Variants in MRPL48 observed in about 807,000 individuals in gnomAD.
The protein encoded by MRPL48 is mitochondrial ribosomal protein L48.
A neutral mutation model predicts 32.9 loss-of-function variants in MRPL48; 16 were observed. The ratio of observed to expected loss-of-function variants is 0.49; its 90% CI spans 0.33 to 0.74. The LOEUF (loss-of-function observed/expected upper bound fraction) is 0.74, where lower values mean the gene tolerates loss of function less well. MRPL48 is among the 30% of genes least tolerant of loss of function. The probability of loss-of-function intolerance (pLI) is 0.02; values close to 1 mark genes in which losing one functional copy is unlikely to be tolerated. For synonymous variants in MRPL48, 94 were observed against 89.2 expected (o/e 1.05, Z -0.31); for missense variants, 206 against 245.3 (o/e 0.84, Z 1.07).
intron 5 of MRPL48, among the ~76,000 whole-genome samples, chr11:73,859,653 G>T (rs145334279): frequency 1.3e-5 from 2 of 151,802 alleles, no homozygotes; most frequent in East Asian, 3.9e-4. Context: ...GGTTTTATTC[G>T]GAGTATTGTA....
At chr11:73,797,311 A>G (rs1407534409) in intron 1 of MRPL48, among the ~76,000 whole-genome samples, 2 of 152,234 alleles carry the variant, frequency 1.3e-5, no homozygotes, top group Non-Finnish European at 2.9e-5. Context: ...TTCTGGTTGC[A>G]GGACAAGAAC....
intron 2 of MRPL48, among the ~76,000 whole-genome samples, chr11:73,806,106 G>C (rs1487027298): frequency 6.7e-6 from 1 of 150,314 alleles, no homozygotes; most frequent in African/African-American, 2.5e-5. Flanking sequence ...GTAAAGCAGA[G>C]TGATTTTTTT....
chr11:73,841,943 G>T (rs1267322768), intron 4 of MRPL48, among the ~76,000 whole-genome samples: 1 of 151,896 alleles, frequency 6.6e-6, no homozygotes, highest in Non-Finnish European at 1.5e-5. Flanking sequence ...GTTTTTGGGG[G>T]GGGGTTTGTT....
At chr11:73,805,293 C>CTTTTTTT (rs11335180) in intron 2 of MRPL48, among the ~76,000 whole-genome samples, 2 of 136,894 alleles carry the variant, frequency 1.5e-5, no homozygotes, top group Non-Finnish European at 1.6e-5. Flanking sequence ...TGATGCTGTT[C>CTTTTTTT]TTTTTTTTTT....
chr11:73,788,190 G>A (rs1447895775), intron 1 of MRPL48, among the ~76,000 whole-genome samples, 198 bp downstream of exon 1: 1 of 152,046 alleles, frequency 6.6e-6, no homozygotes, highest in Non-Finnish European at 1.5e-5. Flanking sequence ...TTCCACCCGG[G>A]GCGAACTCTG....
intron 3 of MRPL48, among the ~76,000 whole-genome samples, chr11:73,809,305 C>T: frequency 6.6e-6 from 1 of 151,980 alleles, no homozygotes; most frequent in East Asian, 1.9e-4. Flanking sequence ...CAGATCAAGA[C>T]AATCCTGGCT....
intron 6 of MRPL48, among the ~76,000 whole-genome samples, chr11:73,860,797 C>T (rs1035983483): frequency 6.6e-6 from 1 of 152,168 alleles, no homozygotes; most frequent in Non-Finnish European, 1.5e-5. Flanking sequence ...AGTTATGCAA[C>T]CATCCCCACA....
intron 4 of MRPL48, among the ~76,000 whole-genome samples, chr11:73,841,868 A>T (rs186939083): frequency 4.5e-4 from 69 of 152,322 alleles, no homozygotes; most frequent in African/African-American, 1.5e-3. Context: ...AAAATAGTTT[A>T]AAATTCTCAT....
intron 4 of MRPL48, among the ~76,000 whole-genome samples, chr11:73,826,624 G>A (rs767701497): frequency 1.3e-5 from 2 of 151,834 alleles, no homozygotes; most frequent in Non-Finnish European, 2.9e-5. Context: ...GATTATAGGC[G>A]TCCGCTGCCA....
chr11:73,800,182 G>C (rs1397935935), intron 1 of MRPL48, among the ~76,000 whole-genome samples: 2 of 151,878 alleles, frequency 1.3e-5, no homozygotes, highest in East Asian at 3.9e-4. Flanking sequence ...GCCAAGGCAG[G>C]AAGATTGCTT....
chr11:73,848,830 T>A (rs915515122), intron 5 of MRPL48, among the ~76,000 whole-genome samples: 4 of 151,902 alleles, frequency 2.6e-5, no homozygotes, highest in Non-Finnish European at 4.4e-5. Flanking sequence ...TTTTTTTTTT[T>A]AATTTTGGAG....
At chr11:73,849,759 A>T (rs983352374) in intron 5 of MRPL48, among the ~76,000 whole-genome samples, 1 of 152,218 alleles carries the variant, frequency 6.6e-6, no homozygotes, top group African/African-American at 2.4e-5. Flanking sequence ...CTCTAGGAGT[A>T]TGATTGTTGA....
chr11:73,853,892 G>A (rs1430129403), intron 5 of MRPL48, among the ~76,000 whole-genome samples: 3 of 151,826 alleles, frequency 2.0e-5, no homozygotes, highest in Admixed American at 6.6e-5. Context: ...GGGTTTCACC[G>A]TGTTAGCCAG....
At chr11:73,808,913 G>A (rs1234217567) in intron 3 of MRPL48, among the ~76,000 whole-genome samples, 5 of 148,972 alleles carry the variant, frequency 3.4e-5, no homozygotes, top group African/African-American at 1.2e-4. Flanking sequence ...ACAAGAGCGA[G>A]ACTTCATCTC....
At chr11:73,797,117 C>T (rs1476583880) in intron 1 of MRPL48, among the ~76,000 whole-genome samples, 1 of 152,160 alleles carries the variant, frequency 6.6e-6, no homozygotes, top group Non-Finnish European at 1.5e-5. Context: ...GACATCGGGA[C>T]AACCGGCTGC....
intron 5 of MRPL48, among the ~76,000 whole-genome samples, chr11:73,857,172 C>T (rs1429831571): frequency 1.3e-5 from 2 of 152,056 alleles, no homozygotes; most frequent in African/African-American, 4.8e-5. Context: ...GCTCTGTCGC[C>T]CAAGCTGGAG....
At chr11:73,826,967 GA>G in intron 4 of MRPL48, among the ~76,000 whole-genome samples, 1 of 150,936 alleles carries the variant, frequency 6.6e-6, no homozygotes, top group Middle Eastern at 3.4e-3. Flanking sequence ...GTAGAGACGG[GA>G]TTTCTCCATG....
At chr11:73,848,497 T>TTC (rs1948335396) in intron 5 of MRPL48, among the ~76,000 whole-genome samples, 2 of 151,748 alleles carry the variant, frequency 1.3e-5, no homozygotes, top group Non-Finnish European at 2.9e-5. Flanking sequence ...GATTTTTTTT[T>TTC]TTTTTTAGGA....
chr11:73,836,408 A>G (rs1011358118), intron 4 of MRPL48, among the ~76,000 whole-genome samples: 2 of 152,146 alleles, frequency 1.3e-5, no homozygotes, highest in Non-Finnish European at 2.9e-5. Flanking sequence ...CATGTTGGCC[A>G]GTCTGGTCTC....
Sources: gnomAD v4.1 joint callset for allele counts (sites outside exome capture counted in the v4.1 genomes callset) on GRCh38, gnomAD v4.1.1 for gene constraint, MANE v1.5 for transcripts, NCBI Gene and HGNC (gene_info 2026-07-23, HGNC 2026-07-21) for gene names.